EIF2AK1: variants seen among roughly 807,000 people sequenced by gnomAD.
The protein encoded by EIF2AK1 is eukaryotic translation initiation factor 2-alpha kinase 1.
A neutral mutation model predicts 77.9 loss-of-function variants in EIF2AK1; 54 were observed. That is an observed-to-expected ratio of 0.69 (90% CI 0.56 to 0.87). The LOEUF is 0.87. EIF2AK1 is among the 40% of genes least tolerant of loss of function. EIF2AK1 has a pLI of 0.00. For synonymous variants in EIF2AK1, 314 were observed against 290.5 expected, an observed-to-expected ratio of 1.08 and a Z score of -0.82; for missense variants, 810 against 768.6, an observed-to-expected ratio of 1.05 and a Z score of -0.64.
intron 10 of EIF2AK1, 143 bp downstream of exon 10, chr7:6,038,413 CAACA>C: frequency 1.8e-6 from 1 of 548,428 alleles, no homozygotes; most frequent in Non-Finnish European, 3.1e-6. Flanking sequence ...CCTGCCTGAG[CAACA>C]AACAGAGCAA....
chr7:6,058,117 G>C (rs751888208), intron 1 of EIF2AK1: 51 of 455,430 alleles, frequency 1.1e-4, no homozygotes, highest in African/African-American at 8.8e-4. Flanking sequence ...AAAGCCTCAA[G>C]AAAACTTGGG....
intron 3 of EIF2AK1, among the ~76,000 whole-genome samples, chr7:6,049,441 G>C (rs1438174693): frequency 6.6e-6 from 1 of 152,162 alleles, no homozygotes; most frequent in African/African-American, 2.4e-5. Flanking sequence ...TACTTGGGAG[G>C]CTAAGGCAGG....
rs1263326744 is a variant in EIF2AK1, at chr7:6,023,292, T to C, written c.*1381A>G. On this transcript the variant is annotated 3_prime_UTR_variant, in exon 15 of 15. Transcript: ENST00000199389. Reference sequence around the variant, plus strand: ...TCTGGTGATGCTACCTGGCGTGTTTTTTCTTTTCAGTGCCGAAGACGCAGA... The same window carrying C: ...TCTGGTGATGCTACCTGGCGTGTTTCTTCTTTTCAGTGCCGAAGACGCAGA... 6.3e-7 allele frequency: 1 copy of C among 1,578,672 alleles called. No individual in the cohort carries two copies. The highest frequency in any genetic ancestry group is 8.6e-7 in the Non-Finnish European group (1 of 1,165,922).
chr7:6,055,361 A>G (rs926380247), intron 1 of EIF2AK1, among the ~76,000 whole-genome samples: 3 of 151,372 alleles, frequency 2.0e-5, no homozygotes, highest in Admixed American at 6.6e-5. Context: ...AAAAAAAAAA[A>G]AAGAAGTTGG....
Position 6,037,403 on chromosome 7 carries a change from G to T in EIF2AK1, c.1332+21C>A, listed in dbSNP as rs369760668. 27 of 1,526,822 alleles carry T rather than the reference G, an allele frequency of 1.8e-5. No individual in the cohort carries two copies. In the African/African-American group the frequency reaches 3.6e-4, roughly 20 times the overall value. 94.6% of individuals were successfully genotyped at this position (1,526,822 alleles called of 1,614,324 possible). ...ATACAAAGCTCCCACTGCTTTCAAT[G>T]ATTTCATCGCCCCCACTTACCTTCA... On this transcript the variant is annotated intron_variant, in intron 11 of 14. Coordinates refer to ENST00000199389, the MANE Select transcript of EIF2AK1 (RefSeq NM_014413.4).
rs569566253 is a variant in EIF2AK1, at chr7:6,058,708, C to T, written c.118+258G>A. ...GATGTCCCCAGCCATCCGAAGGCCT[C>T]AGTCCCCAGAGAGGAAACCAAGGAA... is the stretch of plus-strand genomic sequence containing the variant. On this transcript the variant is annotated intron_variant, in intron 1 of 14. Coordinates refer to ENST00000199389, the MANE Select transcript of EIF2AK1 (RefSeq NM_014413.4). Among the ~76,000 whole-genome samples the T allele has an allele frequency of 7.9e-5, 12 of 152,328 alleles. No individual in the cohort carries two copies. In the South Asian group the frequency reaches 2.3e-3, roughly 29 times the overall value.
rs1162189012 is a variant in EIF2AK1, at chr7:6,023,934, C to T, written c.*739G>A. The T allele has an allele frequency of 1.4e-6, 2 of 1,446,524 alleles. No homozygotes were observed. The highest frequency in any genetic ancestry group is 2.8e-5 in the African/African-American group (2 of 71,202). 89.6% of individuals were successfully genotyped at this position (1,446,524 alleles called of 1,614,324 possible). On this transcript the variant is annotated 3_prime_UTR_variant, in exon 15 of 15. Coordinates refer to ENST00000199389, the MANE Select transcript of EIF2AK1 (RefSeq NM_014413.4). ...CCTTTCTGGGATTCAAAAACCAATT[C>T]ATCAGATCGCTGCCTCTGAGGGATG...
At chr7:6,048,203 C>T (rs1323225429) in intron 4 of EIF2AK1, among the ~76,000 whole-genome samples, 2 of 152,058 alleles carry the variant, frequency 1.3e-5, no homozygotes, top group African/African-American at 4.8e-5. Flanking sequence ...TTTCATCACC[C>T]CCAAAATAAA....
At chr7:6,039,220 A>G (rs922248183) in intron 9 of EIF2AK1, among the ~76,000 whole-genome samples, 5 of 152,106 alleles carry the variant, frequency 3.3e-5, no homozygotes, top group African/African-American at 1.2e-4. Context: ...ATCTAAGAAA[A>G]TTTTCCAAAT....
Position 6,032,767 on chromosome 7 carries a change from C to A in EIF2AK1, c.1333-3735G>T. ...CTAAATAAATGTATTGCCTTTGAAA[C>A]GGCAAGCTAACACAAACAGTATTTT... On this transcript the variant is annotated intron_variant, in intron 11 of 14. Transcript: ENST00000199389. This position sits in a 1 kb window ranked among gnomAD's most constrained non-coding sequence, Gnocchi z 4.3. 2 of 1,278,554 alleles carry A rather than the reference C, an allele frequency of 1.6e-6. No homozygotes were observed. Among genetic ancestry groups the A allele is most frequent in the South Asian group, 2.6e-5 (2 of 75,698 alleles). The allele number at this position is 1,278,554 out of a possible 1,614,324, so 79.2% of individuals were successfully genotyped here.
chr7:6,056,598 G>GAAAAAAAAAAAAAAAAAAAAA (rs1181376161), intron 1 of EIF2AK1, among the ~76,000 whole-genome samples: 4 of 48,828 alleles, frequency 8.2e-5, no homozygotes, highest in Non-Finnish European at 1.2e-4. Flanking sequence ...CATCTCAAGG[G>GAAAAAAAAAAAAAAAAAAAAA]AAAAAAAAAA....
At chr7:6,038,484 G>C in intron 10 of EIF2AK1, 76 bp downstream of exon 10, 1 of 999,500 alleles carries the variant, frequency 1.0e-6, no homozygotes. Context: ...AAAGCACCTG[G>C]AGGCAACTCC....
intron 7 of EIF2AK1, among the ~76,000 whole-genome samples, chr7:6,043,856 T>C (rs900387412): frequency 6.6e-6 from 1 of 151,848 alleles, no homozygotes; most frequent in African/African-American, 2.4e-5. Context: ...CCCAGCACTC[T>C]GGGAGGCCGA....
In EIF2AK1 at chr7:6,023,906, G is replaced by T. The variant is rs1787657421; in HGVS notation, c.*767C>A. On this transcript the variant is annotated 3_prime_UTR_variant, in exon 15 of 15. Coordinates refer to ENST00000199389, the MANE Select transcript of EIF2AK1 (RefSeq NM_014413.4). The stretch of plus-strand genomic sequence containing the variant: ...CGTGATGACTGCCAACTCCATGGCA[G>T]ACCCTTTCTGGGATTCAAAAACCAA... 6.7e-7 allele frequency: 1 copy of T among 1,496,162 alleles called. No homozygotes were observed. Among genetic ancestry groups the T allele is most frequent in the African/African-American group, 1.4e-5 (1 of 72,186 alleles). 92.7% of individuals were successfully genotyped at this position (1,496,162 alleles called of 1,614,324 possible).
rs762091267 is a variant in EIF2AK1, at chr7:6,026,800, C to T, written c.1692G>A (p.Thr564=). The T allele has an allele frequency of 1.1e-5, 18 of 1,614,082 alleles. No individual in the cohort carries two copies. Among genetic ancestry groups the T allele is most frequent in the East Asian group, 6.7e-5 (3 of 44,898 alleles). The part of the protein sequence containing the change: ...PVQAKYIQHL[T]RRNSSQRPSA... ...ATGGTCTCTGCGATGAGTTCCTTCTCGTTAAGTGCTGGATATACTTGGCTT... is the reference window on the plus strand; with the variant it reads ...ATGGTCTCTGCGATGAGTTCCTTCTTGTTAAGTGCTGGATATACTTGGCTT... Residue 564 remains threonine (T), a synonymous_variant, in exon 14 of 15, where the codon ACG becomes ACA. Coordinates refer to ENST00000199389, the MANE Select transcript of EIF2AK1 (RefSeq NM_014413.4).
At position 6,035,577 on chromosome 7, in the gene EIF2AK1, C is replaced by G; in HGVS notation, c.1332+1847G>C. ...TCAGAATAGCAGCATCACATGTCTCCGCATCTTGTGTGCGCACGGAGCTCA... is the reference window on the plus strand; with the variant it reads ...TCAGAATAGCAGCATCACATGTCTCGGCATCTTGTGTGCGCACGGAGCTCA... On this transcript the variant is annotated intron_variant, in intron 11 of 14. Coordinates refer to ENST00000199389, the MANE Select transcript of EIF2AK1 (RefSeq NM_014413.4). This position sits in a 1 kb window ranked among gnomAD's most constrained non-coding sequence, Gnocchi z 5.5. The G allele has an allele frequency of 6.4e-7, 1 of 1,551,078 alleles. No homozygotes were observed. Among genetic ancestry groups the G allele is most frequent in the Non-Finnish European group, 8.7e-7 (1 of 1,147,112 alleles).
At chr7:6,038,258 T>C (rs1788161438) in intron 10 of EIF2AK1, among the ~76,000 whole-genome samples, 3 of 152,006 alleles carry the variant, frequency 2.0e-5, no homozygotes, top group Non-Finnish European at 2.9e-5. Flanking sequence ...AATGAGACCC[T>C]GTCTCTACAA....
intron 7 of EIF2AK1, among the ~76,000 whole-genome samples, chr7:6,043,613 G>C (rs574470099): frequency 5.5e-4 from 84 of 151,550 alleles, no homozygotes; most frequent in Non-Finnish European, 1.0e-3. Context: ...ATTTTTATTA[G>C]AGATGGGGTT....
chr7:6,050,472 G>A (rs1788577033), intron 2 of EIF2AK1, among the ~76,000 whole-genome samples: 1 of 152,172 alleles, frequency 6.6e-6, no homozygotes. Context: ...TAGGATTACA[G>A]GCATGAGCCA....
Sources: gnomAD v4.1 joint callset for allele counts (sites outside exome capture counted in the v4.1 genomes callset) on GRCh38, gnomAD v4.1.1 for gene constraint, Gnocchi (gnomAD v3.1) non-coding constraint, MANE v1.5 for transcripts, NCBI Gene and HGNC (gene_info 2026-07-23, HGNC 2026-07-21) for gene names.